Variants in TAB2 observed in about 807,000 individuals in gnomAD.
TAB2 encodes TGF-beta-activated kinase 1 and MAP3K7-binding protein 2.
Under a neutral mutation model 65.0 loss-of-function variants are expected in TAB2, and 3 were observed. The observed-to-expected ratio is 0.05, with a 90% CI of 0.02 to 0.12. TAB2 has a LOEUF of 0.12. Ranked by LOEUF, TAB2 falls within the 10% of genes least tolerant of loss-of-function variation. The probability of loss-of-function intolerance (pLI) is 1.00; values close to 1 mark genes in which losing one functional copy is unlikely to be tolerated. For synonymous variants in TAB2, 298 were observed against 285.1 expected, an observed-to-expected ratio of 1.05 and a Z score of -0.46; for missense variants, 623 against 840.3, an observed-to-expected ratio of 0.74 and a Z score of 3.20.
chr6:149,349,082 C>A (rs1020772627), intron 1 of TAB2, among the ~76,000 whole-genome samples: 9 of 151,680 alleles, frequency 5.9e-5, no homozygotes, highest in African/African-American at 2.2e-4. Context: ...CTAAAGTTTG[C>A]TTATGGAAGG....
chr6:149,305,418 T>C (rs1779047270), intron 1 of TAB2, among the ~76,000 whole-genome samples: 1 of 152,164 alleles, frequency 6.6e-6, no homozygotes, highest in Non-Finnish European at 1.5e-5. Context: ...CGTTTCCTTT[T>C]TCAAAGGGCC....
At chr6:149,288,396 A>G (rs573339620) in intron 1 of TAB2, among the ~76,000 whole-genome samples, 2 of 152,242 alleles carry the variant, frequency 1.3e-5, no homozygotes, top group South Asian at 4.1e-4. Context: ...GCAAGCAGAC[A>G]TTGCTCCTCT....
chr6:149,253,968 A>AAG (rs1562389263), intron 1 of TAB2, among the ~76,000 whole-genome samples: 5 of 105,732 alleles, frequency 4.7e-5, no homozygotes, highest in Admixed American at 2.0e-4. Context: ...AAAAGAAAGA[A>AAG]AGAAAGAAAG....
chr6:149,307,947 C>T lies in TAB2; in HGVS notation c.-120-70071C>T, dbSNP rs114243432. Among the ~76,000 whole-genome samples the T allele has an allele frequency of 7.8e-3, 1,184 of 152,302 alleles. 26 individuals carry two copies. Among genetic ancestry groups the T allele is most frequent in the African/African-American group, 0.026 (1,092 of 41,560 alleles). On this transcript the variant is annotated intron_variant, in intron 1 of 1. Coordinates refer to the TAB2 transcript ENST00000606202. ...ATACCCACATTCAGACAAACACCCACATTTTTAAAATGGGATCATAGTATT... is the reference window on the plus strand; with the variant it reads ...ATACCCACATTCAGACAAACACCCATATTTTTAAAATGGGATCATAGTATT...
At chr6:149,234,589 C>T (rs571276219) in intron 1 of TAB2, among the ~76,000 whole-genome samples, 1 of 152,296 alleles carries the variant, frequency 6.6e-6, no homozygotes, top group South Asian at 2.1e-4. Flanking sequence ...CCGCATGTAC[C>T]TTGCAAATGA....
Position 149,245,864 on chromosome 6 carries a change from A to G in TAB2, c.-121+27088A>G, listed in dbSNP as rs187403776. On this transcript the variant is annotated intron_variant, in intron 1 of 1. Coordinates refer to the TAB2 transcript ENST00000606202. ...CTCTTCAAGCAAAGCTGAAACAAAT[A>G]CTTCTGTCTATACATTTCTCCCTCC... 1.6e-3 allele frequency among the ~76,000 whole-genome samples: 250 copies of G among 152,226 alleles called. 1 individual carries two copies. Among genetic ancestry groups the G allele is most frequent in the Admixed American group, 7.5e-3 (115 of 15,298 alleles).
chr6:149,327,118 A>G (rs1779643422), intron 1 of TAB2, among the ~76,000 whole-genome samples: 1 of 152,056 alleles, frequency 6.6e-6, no homozygotes, highest in South Asian at 2.1e-4. Context: ...TTATACAGAT[A>G]TTTGCTTCCA....
chr6:149,323,378 GT>G lies in TAB2; in HGVS notation c.-90+5364del, dbSNP rs200272936. Among the ~76,000 whole-genome samples the G allele has an allele frequency of 7.5e-3, 1,145 of 152,206 alleles. 9 individuals are homozygous for G. Among genetic ancestry groups the G allele is most frequent in the African/African-American group, 0.026 (1,098 of 41,568 alleles). On this transcript the variant is annotated intron_variant, in intron 1 of 6. Coordinates refer to ENST00000637181, the MANE Select transcript of TAB2 (RefSeq NM_001292034.3). ...AAGTAATATAGCAGTTTTTAAAAGA[GT>G]AGAAGAAAATTTATGAATAATTATT... is the stretch of plus-strand genomic sequence containing the variant.
chr6:149,287,046 G>C (rs1204719871), intron 1 of TAB2, among the ~76,000 whole-genome samples: 2 of 152,196 alleles, frequency 1.3e-5, no homozygotes, highest in Non-Finnish European at 2.9e-5. Context: ...GAACTCCGGA[G>C]GAAGAGTTTG....
chr6:149,308,676 G>A (rs149265519), intron 1 of TAB2, among the ~76,000 whole-genome samples: 2 of 152,102 alleles, frequency 1.3e-5, no homozygotes, highest in East Asian at 1.9e-4. Context: ...TTACAGGCAT[G>A]TGCCACCACG....
chr6:149,285,425 G>C (rs1422674835), intron 1 of TAB2, among the ~76,000 whole-genome samples: 2 of 152,144 alleles, frequency 1.3e-5, no homozygotes, highest in East Asian at 3.9e-4. Flanking sequence ...ATCATCCAGA[G>C]GTAGGACTAA....
At chr6:149,384,459 G>C (rs1158269290) in intron 3 of TAB2, among the ~76,000 whole-genome samples, 1 of 151,848 alleles carries the variant, frequency 6.6e-6, no homozygotes, top group Non-Finnish European at 1.5e-5. Flanking sequence ...CCTTCCTAAA[G>C]GAAATAAATT....
At chr6:149,279,555 TC>T (rs1778535831) in intron 1 of TAB2, among the ~76,000 whole-genome samples, 1 of 152,140 alleles carries the variant, frequency 6.6e-6, no homozygotes, top group African/African-American at 2.4e-5. Flanking sequence ...GAGGAGGTGC[TC>T]CCGGCATCTA....
intron 1 of TAB2, among the ~76,000 whole-genome samples, chr6:149,275,234 G>GAGAGAGAAAGAA (rs1295920060): frequency 9.2e-5 from 6 of 65,404 alleles, no homozygotes; most frequent in South Asian, 1.0e-3. Flanking sequence ...GGGAGAGAGA[G>GAGAGAGAAAGAA]AGAAAGAAAG....
intron 1 of TAB2, among the ~76,000 whole-genome samples, chr6:149,255,626 G>C (rs1778009722): frequency 6.6e-6 from 1 of 152,162 alleles, no homozygotes. Context: ...AATTATGCTA[G>C]TGTCTTTGAT....
intron 1 of TAB2, among the ~76,000 whole-genome samples, chr6:149,270,042 AT>A (rs1778330631): frequency 6.6e-6 from 1 of 152,222 alleles, no homozygotes; most frequent in Admixed American, 6.5e-5. Flanking sequence ...GGGCTGTGCC[AT>A]TTTGCAGCCA....
chr6:149,333,219 A>T (rs1583097157), intron 1 of TAB2, among the ~76,000 whole-genome samples: 1 of 152,174 alleles, frequency 6.6e-6, no homozygotes, highest in Non-Finnish European at 1.5e-5. Context: ...TTGTGGTTGA[A>T]TGTCTTTCTG....
intron 1 of TAB2, among the ~76,000 whole-genome samples, chr6:149,284,184 C>G (rs1479525270): frequency 1.3e-5 from 2 of 152,192 alleles, no homozygotes; most frequent in African/African-American, 4.8e-5. Flanking sequence ...TCACCACTCT[C>G]TGCATCACCA....
chr6:149,337,993 G>A (rs1025785017), intron 1 of TAB2, among the ~76,000 whole-genome samples: 5 of 152,100 alleles, frequency 3.3e-5, no homozygotes, highest in African/African-American at 1.2e-4. Context: ...AGTATAGGGT[G>A]CCTAAATTAG....
Sources: allele counts gnomAD v4.1 joint callset (sites outside exome capture counted in the v4.1 genomes callset), GRCh38; gene constraint gnomAD v4.1.1; transcripts MANE v1.5; gene names NCBI Gene and HGNC (gene_info 2026-07-23, HGNC 2026-07-21).